The following CNNM1 variants were observed in gnomAD, a reference collection of about 807,000 sequenced individuals.
The protein encoded by CNNM1 is metal transporter CNNM1.
CNNM1 carries 44 observed loss-of-function variants against 78.8 expected under a neutral mutation model. That is an observed-to-expected ratio of 0.56 (90% CI 0.44 to 0.72). CNNM1 has a LOEUF of 0.72. Ranked by LOEUF, CNNM1 falls within the 30% of genes least tolerant of loss-of-function variation. CNNM1 has a pLI of 0.00. For synonymous variants in CNNM1, 584 were observed against 581.5 expected, an observed-to-expected ratio of 1.00 and a Z score of -0.06; for missense variants, 1,101 against 1,292.2, an observed-to-expected ratio of 0.85 and a Z score of 2.27.
chr10:99,354,813 A>G (rs2031075506), intron 1 of CNNM1, among the ~76,000 whole-genome samples: 1 of 152,166 alleles, frequency 6.6e-6, no homozygotes, highest in Non-Finnish European at 1.5e-5. Flanking sequence ...ATACAGTTAG[A>G]CAGGGAAGAG....
At position 99,391,729 on chromosome 10, in the gene CNNM1, G is replaced by T; in HGVS notation, c.*213G>T. On this transcript the variant is annotated 3_prime_UTR_variant, in exon 11 of 11. Transcript: ENST00000356713. ...CCTTGACATGGCCATAACAGAAGGAGGTGCCTCTGATAGAACATGCTAGAA... is the reference window on the plus strand; with the variant it reads ...CCTTGACATGGCCATAACAGAAGGATGTGCCTCTGATAGAACATGCTAGAA... The T allele has an allele frequency of 1.9e-6, 1 of 527,950 alleles. No homozygotes were observed. Among genetic ancestry groups the T allele is most frequent in the Non-Finnish European group, 3.4e-6 (1 of 294,826 alleles). 32.7% of individuals were successfully genotyped at this position (527,950 alleles called of 1,614,324 possible). A position where few individuals can be genotyped will look rare whatever the true frequency, so the allele number is the denominator to read the frequency against.
At chr10:99,390,180 C>T (rs2032431374) in intron 9 of CNNM1, 126 bp from the exon 10 acceptor site, 1 of 666,186 alleles carries the variant, frequency 1.5e-6, no homozygotes, top group African/African-American at 1.8e-5. Context: ...CCTTGTTACA[C>T]CACCCTCACC....
intron 1 of CNNM1, among the ~76,000 whole-genome samples, chr10:99,354,664 C>T (rs2031069339): frequency 6.6e-6 from 1 of 151,792 alleles, no homozygotes; most frequent in African/African-American, 2.4e-5. Context: ...TCTGGGGGAG[C>T]TTTCTTGGAG....
chr10:99,360,562 G>A (rs1046473669), intron 2 of CNNM1, among the ~76,000 whole-genome samples: 1 of 152,062 alleles, frequency 6.6e-6, no homozygotes, highest in African/African-American at 2.4e-5. Context: ...TGGTAAGTAG[G>A]GGAACCAGCC....
At position 99,329,378 on chromosome 10, in the gene CNNM1, TG is replaced by T; in HGVS notation, c.-7del. The T allele has an allele frequency of 1.6e-6, 1 of 628,478 alleles. No homozygotes were observed. The highest frequency in any genetic ancestry group is 2.6e-6 in the Non-Finnish European group (1 of 389,732). The allele number at this position is 628,478 out of a possible 1,614,324, so 38.9% of individuals were successfully genotyped here. ...CCTGCAGTATCACGTGCAGCTGCGCTGGGTGCAGGATGGCGGCGGCCGCGGC... is the reference window on the plus strand; with the variant it reads ...CCTGCAGTATCACGTGCAGCTGCGCTGGTGCAGGATGGCGGCGGCCGCGGC... On this transcript the variant is annotated 5_prime_UTR_variant, in exon 1 of 11. Transcript: ENST00000356713.
chr10:99,354,574 T>TA (rs949890332), intron 1 of CNNM1, among the ~76,000 whole-genome samples: 23 of 152,174 alleles, frequency 1.5e-4, no homozygotes, highest in Non-Finnish European at 3.2e-4. Context: ...GTAGGACACA[T>TA]ACATTGCTAG....
intron 6 of CNNM1, among the ~76,000 whole-genome samples, chr10:99,367,341 C>G (rs1404772730): frequency 6.6e-6 from 1 of 152,140 alleles, no homozygotes; most frequent in East Asian, 1.9e-4. Flanking sequence ...GGCACGATGA[C>G]CTATGCTTCA....
At chr10:99,349,709 C>T (rs945250808) in intron 1 of CNNM1, among the ~76,000 whole-genome samples, 6 of 152,162 alleles carry the variant, frequency 3.9e-5, no homozygotes, top group African/African-American at 1.4e-4. Context: ...CTCATTAAAA[C>T]AGCTATCTGG....
At chr10:99,349,870 G>A (rs2030868027) in intron 1 of CNNM1, among the ~76,000 whole-genome samples, 1 of 152,138 alleles carries the variant, frequency 6.6e-6, no homozygotes, top group African/African-American at 2.4e-5. Flanking sequence ...GTGGTGGCGT[G>A]TGCCTGTAGT....
At chr10:99,383,214 T>C (rs2032209045) in intron 7 of CNNM1, among the ~76,000 whole-genome samples, 1 of 152,184 alleles carries the variant, frequency 6.6e-6, no homozygotes, top group Non-Finnish European at 1.5e-5. Flanking sequence ...TAGTGACCAA[T>C]GCAGGGTACT....
chr10:99,363,827 C>T (rs2031518250), intron 4 of CNNM1, among the ~76,000 whole-genome samples: 1 of 149,966 alleles, frequency 6.7e-6, no homozygotes, highest in Non-Finnish European at 1.5e-5. Flanking sequence ...TCACTGCAAC[C>T]TCTGCCTCCC....
chr10:99,356,555 AGACAGAC>A lies in CNNM1; in HGVS notation c.1574-956_1574-950del, dbSNP rs1564947079. Among the ~76,000 whole-genome samples, 350 of 93,220 alleles carry A rather than the reference AGACAGAC, an allele frequency of 3.8e-3. 1 individual carries two copies. Among genetic ancestry groups the A allele is most frequent in the African/African-American group, 0.011 (291 of 26,020 alleles). The allele number at this position is 93,220 out of a possible 152,430, so 61.2% of individuals were successfully genotyped here. A position where few individuals can be genotyped will look rare whatever the true frequency, so the allele number is the denominator to read the frequency against. ...AAGAAAGAAAGACAGACAGACAGAC[AGACAGAC>A]AGAAAGAAAGAAAGAAAGAAAGAAA... On this transcript the variant is annotated intron_variant, in intron 1 of 10. Coordinates refer to ENST00000356713, the MANE Select transcript of CNNM1 (RefSeq NM_020348.3).
intron 6 of CNNM1, among the ~76,000 whole-genome samples, chr10:99,373,926 CACACACACACATAT>C (rs2031886547): frequency 6.6e-6 from 1 of 151,960 alleles, no homozygotes; most frequent in Non-Finnish European, 1.5e-5. Flanking sequence ...TACACACATA[CACACACACACATAT>C]ACAAAATCAC....
intron 1 of CNNM1, among the ~76,000 whole-genome samples, chr10:99,331,976 A>G (rs1312537144): frequency 6.6e-6 from 1 of 152,156 alleles, no homozygotes; most frequent in African/African-American, 2.4e-5. Flanking sequence ...TTCATGTCTG[A>G]GTTTGTCTTC....
intron 1 of CNNM1, among the ~76,000 whole-genome samples, chr10:99,351,354 C>G (rs2030939348): frequency 6.6e-6 from 1 of 152,164 alleles, no homozygotes; most frequent in African/African-American, 2.4e-5. Flanking sequence ...TTTTTGCCCA[C>G]TTTACCACAT....
chr10:99,344,873 C>T (rs992311390), intron 1 of CNNM1, among the ~76,000 whole-genome samples: 2 of 152,204 alleles, frequency 1.3e-5, no homozygotes, highest in African/African-American at 2.4e-5. Flanking sequence ...AGTTCAAAGC[C>T]GTTCTCCTCC....
At chr10:99,343,959 G>T (rs1269907393) in intron 1 of CNNM1, among the ~76,000 whole-genome samples, 1 of 150,740 alleles carries the variant, frequency 6.6e-6, no homozygotes, top group African/African-American at 2.4e-5. Flanking sequence ...CTGACCTCAG[G>T]TGATCAGCCC....
intron 6 of CNNM1, among the ~76,000 whole-genome samples, chr10:99,375,798 G>A (rs1012756849): frequency 1.3e-5 from 2 of 152,184 alleles, no homozygotes; most frequent in Non-Finnish European, 2.9e-5. Flanking sequence ...TCTGTGTTAA[G>A]AGAAGCTGAC....
chr10:99,330,346 G>A lies in CNNM1; in HGVS notation c.959G>A (p.Gly320Glu). ...ACCGGGGAAGACTACAGCGAAGAGGGGATCCACTTCCCGTGGCTGCCGGCG... is the reference window on the plus strand; with the variant it reads ...ACCGGGGAAGACTACAGCGAAGAGGAGATCCACTTCCCGTGGCTGCCGGCG... ...GGTGEDYSEE[G>E]IHFPWLPALV... Residue 320 changes from glycine to glutamate, a missense_variant, in exon 1 of 11, where the codon GGG (glycine) becomes GAG (glutamate). Gly to Glu is a moderately conservative substitution (Grantham distance 98). Coordinates refer to ENST00000356713, the MANE Select transcript of CNNM1 (RefSeq NM_020348.3). 5 of 1,601,506 alleles carry A rather than the reference G, an allele frequency of 3.1e-6. No homozygotes were observed. Among genetic ancestry groups the A allele is most frequent in the Non-Finnish European group, 4.3e-6 (5 of 1,175,046 alleles).
Sources: gnomAD v4.1 joint callset for allele counts (sites outside exome capture counted in the v4.1 genomes callset) on GRCh38, gnomAD v4.1.1 for gene constraint, MANE v1.5 for transcripts, NCBI Gene and HGNC (gene_info 2026-07-23, HGNC 2026-07-21) for gene names.